The following ZGRF1 variants were observed in gnomAD, a reference collection of about 807,000 sequenced individuals.
The protein encoded by ZGRF1 is zinc finger GRF-type containing 1, also known as 5'-3' DNA helicase ZGRF1.
Under a neutral mutation model 203.5 loss-of-function variants are expected in ZGRF1, and 196 were observed. That is an observed-to-expected ratio of 0.96 (90% CI 0.86 to 1.08). The LOEUF (loss-of-function observed/expected upper bound fraction) is 1.08. Among genes scored for constraint, ZGRF1 ranks in the 50% least tolerant of loss-of-function variants. The pLI, the probability that ZGRF1 is intolerant of heterozygous loss-of-function variation, is 0.00. For synonymous variants in ZGRF1, 809 were observed against 841.3 expected, an observed-to-expected ratio of 0.96 and a Z score of 0.66; for missense variants, 2,326 against 2,416.3, an observed-to-expected ratio of 0.96 and a Z score of 0.78.
chr4:112,600,003 A>C (rs932475041), intron 10 of ZGRF1, among the ~76,000 whole-genome samples: 1 of 152,186 alleles, frequency 6.6e-6, no homozygotes, highest in Non-Finnish European at 1.5e-5. Context: ...AAGCTTGTAC[A>C]AGATAATATG....
chr4:112,633,092 G>C, intron 2 of ZGRF1, 64 bp downstream of exon 2: 1 of 1,397,850 alleles, frequency 7.2e-7, no homozygotes, highest in Non-Finnish European at 1.0e-6. Context: ...TTTGTGAAAC[G>C]CCTTTAAAAG....
At chr4:112,581,547 T>C (rs780864720) in intron 16 of ZGRF1, 116 bp downstream of exon 16, 6 of 474,666 alleles carry the variant, frequency 1.3e-5, no homozygotes, top group African/African-American at 2.1e-5. Context: ...ATATTACTAT[T>C]AAATTATACT....
chr4:112,554,844 T>C (rs1277339382), intron 20 of ZGRF1, 62 bp from the exon 21 acceptor site: 16 of 851,126 alleles, frequency 1.9e-5, no homozygotes, highest in South Asian at 5.1e-5. Flanking sequence ...AAGTTTCATA[T>C]AATAACTGTT....
rs191469213 is a variant in ZGRF1, at chr4:112,552,805, T to C, written c.5346+1030A>G. Among the ~76,000 whole-genome samples, 13 of 152,312 alleles carry C rather than the reference T, an allele frequency of 8.5e-5. No homozygotes were observed. The East Asian group carries it at 2.5e-3, about 29-fold the overall frequency. ...CCACCAGAGAAGTAGGGGAGTATAT[T>C]TCCCTGCCTCACTGATGTTAGGCTT... On this transcript the variant is annotated intron_variant, in intron 22 of 27. Transcript: ENST00000505019.
At chr4:112,627,911 T>A (rs2047289034) in intron 3 of ZGRF1, among the ~76,000 whole-genome samples, 1 of 152,234 alleles carries the variant, frequency 6.6e-6, no homozygotes, top group Non-Finnish European at 1.5e-5. Context: ...TCAGCTATAT[T>A]TAAATGCTTA....
chr4:112,542,082 C>T (rs1423358727), intron 24 of ZGRF1, among the ~76,000 whole-genome samples: 1 of 152,140 alleles, frequency 6.6e-6, no homozygotes, highest in African/African-American at 2.4e-5. Flanking sequence ...GGTTCAACGC[C>T]TGTAATTCCA....
intron 19 of ZGRF1, among the ~76,000 whole-genome samples, chr4:112,559,020 T>C (rs1741455323): frequency 6.6e-6 from 1 of 152,240 alleles, no homozygotes; most frequent in Non-Finnish European, 1.5e-5. Context: ...TGACAAAGCA[T>C]GTCGCTGTTA....
At chr4:112,596,059 A>T (rs1748953207) in intron 10 of ZGRF1, among the ~76,000 whole-genome samples, 1 of 152,262 alleles carries the variant, frequency 6.6e-6, no homozygotes, top group Non-Finnish European at 1.5e-5. Context: ...GCATATAATC[A>T]TAACTGATGT....
chr4:112,573,140 A>G (rs776232570), intron 16 of ZGRF1, among the ~76,000 whole-genome samples: 2 of 150,504 alleles, frequency 1.3e-5, no homozygotes, highest in African/African-American at 2.4e-5. Context: ...ATGCCTATCA[A>G]TCAACAAGTG....
intron 10 of ZGRF1, among the ~76,000 whole-genome samples, chr4:112,591,006 A>C (rs1177720869): frequency 6.6e-6 from 1 of 152,030 alleles, no homozygotes; most frequent in East Asian, 1.9e-4. Context: ...TTGATTGGCT[A>C]CTGGGTTCTG....
intron 4 of ZGRF1, among the ~76,000 whole-genome samples, chr4:112,620,489 G>A (rs1011819989): frequency 6.6e-6 from 1 of 152,202 alleles, no homozygotes; most frequent in Non-Finnish European, 1.5e-5. Flanking sequence ...CAAGGCAAGA[G>A]GATTGCTTGA....
At position 112,618,753 on chromosome 4, in the gene ZGRF1, T is replaced by A. The variant is rs747646123; in HGVS notation, c.1289A>T (p.Glu430Val). The part of the protein sequence containing the change: ...SSAENDGILS[E>V]SDIQEDNKIP... ...TTTATTATCTTCTTGAATGTCAGATTCTGATAATATACCATCATTTTCTGC... is the reference window on the plus strand; with the variant it reads ...TTTATTATCTTCTTGAATGTCAGATACTGATAATATACCATCATTTTCTGC... Residue 430 changes from glutamate (E) to valine (V), a missense_variant, in exon 6 of 28, where the codon GAA becomes GTA. Physicochemically the swap from Glu to Val is moderately radical, Grantham distance 121. Coordinates refer to ENST00000505019, the MANE Select transcript of ZGRF1 (RefSeq NM_018392.5). 1 of 1,610,508 alleles carries A rather than the reference T, an allele frequency of 6.2e-7. No individual in the cohort carries two copies. The highest frequency in any genetic ancestry group is 8.5e-7 in the Non-Finnish European group (1 of 1,178,608).
intron 3 of ZGRF1, among the ~76,000 whole-genome samples, chr4:112,624,244 G>A (rs1356705386): frequency 6.6e-6 from 1 of 151,948 alleles, no homozygotes; most frequent in Non-Finnish European, 1.5e-5. Context: ...GGCTGGGCAT[G>A]GTGGTTCATG....
intron 16 of ZGRF1, among the ~76,000 whole-genome samples, chr4:112,572,165 T>G (rs534452725): frequency 6.6e-6 from 1 of 152,116 alleles, no homozygotes; most frequent in Non-Finnish European, 1.5e-5. Context: ...TTAAATCTCA[T>G]AGCCACCAAA....
intron 18 of ZGRF1, among the ~76,000 whole-genome samples, chr4:112,561,965 G>A (rs1318547079): frequency 6.7e-6 from 1 of 148,354 alleles, no homozygotes; most frequent in Non-Finnish European, 1.5e-5. Flanking sequence ...CCAGGCTGGG[G>A]TGCAATGGCA....
At chr4:112,621,724 T>C (rs1375776245) in intron 4 of ZGRF1, among the ~76,000 whole-genome samples, 2 of 108,378 alleles carry the variant, frequency 1.8e-5, no homozygotes, top group Non-Finnish European at 3.7e-5. Context: ...ATTTTACTAA[T>C]GAAATGATTT....
intron 10 of ZGRF1, among the ~76,000 whole-genome samples, chr4:112,595,583 T>C (rs1315409613): frequency 6.6e-6 from 1 of 151,524 alleles, no homozygotes; most frequent in Non-Finnish European, 1.5e-5. Context: ...TGTATATATG[T>C]GTGTGTGTGT....
chr4:112,612,518 C>G lies in ZGRF1; in HGVS notation c.2667+6G>C. 6.3e-7 allele frequency: 1 copy of G among 1,577,984 alleles called. No individual in the cohort carries two copies. Among genetic ancestry groups the G allele is most frequent in the East Asian group, 2.2e-5 (1 of 44,538 alleles). On this transcript the variant is annotated splice_donor_region_variant and intron_variant, in intron 7 of 27. Coordinates refer to ENST00000505019, the MANE Select transcript of ZGRF1 (RefSeq NM_018392.5). Reference sequence around the variant, plus strand: ...AAAAACATACTCTTAGAAAAAAAACCTGTACCTGTTGAGAATCCTTGTGCA... The same window carrying G: ...AAAAACATACTCTTAGAAAAAAAACGTGTACCTGTTGAGAATCCTTGTGCA...
At chr4:112,559,571 A>C (rs1367520070) in intron 19 of ZGRF1, among the ~76,000 whole-genome samples, 4 of 152,206 alleles carry the variant, frequency 2.6e-5, no homozygotes, top group Non-Finnish European at 4.4e-5. Context: ...CTAGTGGTAG[A>C]TCAATTAGAA....
Sources: gnomAD v4.1 joint callset for allele counts (sites outside exome capture counted in the v4.1 genomes callset) on GRCh38, gnomAD v4.1.1 for gene constraint, MANE v1.5 for transcripts, NCBI Gene and HGNC (gene_info 2026-07-23, HGNC 2026-07-21) for gene names.